The following METTL8 variants were observed in gnomAD, a reference collection of about 807,000 sequenced individuals.
METTL8 encodes tRNA N(3)-cytidine methyltransferase METTL8, mitochondrial.
Under a neutral mutation model 48.7 loss-of-function variants are expected in METTL8, and 32 were observed. The observed-to-expected ratio is 0.66, with a 90% CI of 0.50 to 0.88. The LOEUF is 0.88. Among genes scored for constraint, METTL8 ranks in the 40% least tolerant of loss-of-function variants. The pLI is 0.00. For synonymous variants in METTL8, 136 were observed against 157.1 expected (o/e 0.87, Z 1.01); for missense variants, 464 against 474.4 (o/e 0.98, Z 0.20).
intron 1 of METTL8, among the ~76,000 whole-genome samples, chr2:171,415,283 G>A (rs62183461): frequency 0.028 from 4,314 of 151,630 alleles, 98 homozygotes; most frequent in Middle Eastern, 0.069. Context: ...AGAATTTATA[G>A]CAGTTGTCAC....
At chr2:171,431,999 C>A (rs1298530532) in intron 1 of METTL8, among the ~76,000 whole-genome samples, 1 of 152,230 alleles carries the variant, frequency 6.6e-6, no homozygotes, top group Non-Finnish European at 1.5e-5. Flanking sequence ...TGTGCCGGCA[C>A]TTGGAGCAAC....
intron 3 of METTL8, among the ~76,000 whole-genome samples, chr2:171,357,720 G>A (rs1575824903): frequency 1.3e-5 from 2 of 151,096 alleles, no homozygotes; most frequent in South Asian, 2.1e-4. Context: ...TTTGAGACAG[G>A]TTCTCGCTCT....
intron 1 of METTL8, among the ~76,000 whole-genome samples, chr2:171,422,748 A>C (rs1691999513): frequency 6.6e-6 from 1 of 152,246 alleles, no homozygotes; most frequent in African/African-American, 2.4e-5. Flanking sequence ...AAAATGCATA[A>C]AAATCATAAT....
In METTL8 at chr2:171,422,050, G is replaced by A. The variant is rs113735686; in HGVS notation, c.-13+11833C>T. ...AATAAGACACTCCTAAAGAAGAGGA[G>A]TAAGATGGAACAGTTCCCCTACCAG... On this transcript the variant is annotated intron_variant, in intron 1 of 9. Coordinates refer to ENST00000375258, the MANE Select transcript of METTL8 (RefSeq NM_001321154.2). Among the ~76,000 whole-genome samples, 507 of 152,322 alleles carry A rather than the reference G, an allele frequency of 3.3e-3. 1 individual carries two copies. The highest frequency in any genetic ancestry group is 0.011 in the African/African-American group (464 of 41,566).
At position 171,356,952 on chromosome 2, in the gene METTL8, A is replaced by ATATTT; in HGVS notation, c.235+3469_235+3470insAAATA. ...CAAATTAGCCTTGTTCAAAGACAAT[A>ATATTT]TTTTTTTTTTTTTTTTTGAGACAGG... On this transcript the variant is annotated intron_variant, in intron 3 of 9. Coordinates refer to ENST00000375258, the MANE Select transcript of METTL8 (RefSeq NM_001321154.2). Among the ~76,000 whole-genome samples the ATATTT allele has an allele frequency of 2.5e-5, 2 of 78,468 alleles. 1 individual carries two copies. Among genetic ancestry groups the ATATTT allele is most frequent in the Admixed American group, 3.9e-4 (2 of 5,184 alleles). 51.5% of individuals were successfully genotyped at this position (78,468 alleles called of 152,430 possible).
chr2:171,428,241 C>T (rs143389736), intron 1 of METTL8, among the ~76,000 whole-genome samples: 76 of 152,274 alleles, frequency 5.0e-4, no homozygotes, highest in African/African-American at 1.7e-3. Context: ...AAAATATCTA[C>T]TTCATAGGTA....
intron 5 of METTL8, among the ~76,000 whole-genome samples, chr2:171,336,381 C>T (rs188518263): frequency 2.6e-4 from 39 of 148,510 alleles, no homozygotes; most frequent in African/African-American, 7.7e-4. Context: ...AGGCATGAGC[C>T]ACCACGCCCG....
At chr2:171,345,728 G>A (rs1286754805) in intron 3 of METTL8, among the ~76,000 whole-genome samples, 1 of 151,898 alleles carries the variant, frequency 6.6e-6, no homozygotes, top group Non-Finnish European at 1.5e-5. Flanking sequence ...GTTAATTACA[G>A]GATATTTTAA....
At chr2:171,405,659 A>AAC (rs371161570) in intron 1 of METTL8, among the ~76,000 whole-genome samples, 6 of 150,146 alleles carry the variant, frequency 4.0e-5, no homozygotes, top group Admixed American at 2.6e-4. Context: ...AGGATGAGAG[A>AAC]ACACACACAC....
chr2:171,357,058 A>C (rs1230597488), intron 3 of METTL8, among the ~76,000 whole-genome samples: 3 of 148,888 alleles, frequency 2.0e-5, no homozygotes, highest in Admixed American at 7.0e-5. Context: ...CCTGGGTTCA[A>C]GTGATTCTCC....
At chr2:171,348,175 T>C (rs1167644584) in intron 3 of METTL8, among the ~76,000 whole-genome samples, 2 of 152,222 alleles carry the variant, frequency 1.3e-5, no homozygotes, top group African/African-American at 4.8e-5. Context: ...ATCTTCCTTA[T>C]ACTTGGTTTA....
rs538826018 is a variant in METTL8, at chr2:171,322,113, C to T, written c.*2059G>A. 2.6e-5 allele frequency: 4 copies of T among 152,032 alleles called. 1 individual carries two copies. The South Asian group carries it at 6.3e-4, about 24-fold the overall frequency. The allele number at this position is 152,032 out of a possible 1,614,324, so 9.4% of individuals were successfully genotyped here. On this transcript the variant is annotated 3_prime_UTR_variant, in exon 10 of 10. Coordinates refer to ENST00000375258, the MANE Select transcript of METTL8 (RefSeq NM_001321154.2). ...GAGTAGCTGGGATTACAGGTGCCCA[C>T]CACCACGCCTGGCTAATTTTTTTTG... is the stretch of plus-strand genomic sequence containing the variant.
At position 171,318,558 on chromosome 2, in the gene METTL8, G is replaced by A. The variant is rs13398989; in HGVS notation, c.*5614C>T. ...AGGCTGAAGCCTGAGGGGGTGGGGC[G>A]AGTGCAGAACTAGGCAGAAGCAGAA... On this transcript the variant is annotated 3_prime_UTR_variant, in exon 10 of 10. Transcript: ENST00000375258. 0.76 allele frequency: 115,187 copies of A among 152,176 alleles called. 43,830 individuals carry two copies. The highest frequency in any genetic ancestry group is 0.97 in the East Asian group (5,043 of 5,190). The allele number at this position is 152,176 out of a possible 1,614,324, so 9.4% of individuals were successfully genotyped here.
At chr2:171,340,699 G>T (rs1686656426) in intron 3 of METTL8, among the ~76,000 whole-genome samples, 2 of 152,004 alleles carry the variant, frequency 1.3e-5, no homozygotes, top group African/African-American at 4.8e-5. Flanking sequence ...AGCTAAAAGG[G>T]TCCATTGGAA....
intron 2 of METTL8, among the ~76,000 whole-genome samples, chr2:171,370,286 T>C (rs776636340): frequency 6.6e-6 from 1 of 152,168 alleles, no homozygotes; most frequent in Non-Finnish European, 1.5e-5. Flanking sequence ...TGCATTTGTA[T>C]TTTTTTAACT....
chr2:171,372,816 T>G (rs1686505048), intron 2 of METTL8, among the ~76,000 whole-genome samples: 1 of 152,222 alleles, frequency 6.6e-6, no homozygotes, highest in African/African-American at 2.4e-5. Context: ...CATGAACTCA[T>G]CTTTTTTTAT....
intron 2 of METTL8, among the ~76,000 whole-genome samples, chr2:171,389,879 G>C (rs1457263756): frequency 2.6e-5 from 4 of 151,990 alleles, no homozygotes; most frequent in Non-Finnish European, 5.9e-5. Context: ...CACTGATGAA[G>C]GTGGTTACAC....
At chr2:171,404,453 G>A (rs1452660436) in intron 1 of METTL8, among the ~76,000 whole-genome samples, 1 of 152,072 alleles carries the variant, frequency 6.6e-6, no homozygotes, top group African/African-American at 2.4e-5. Flanking sequence ...TTTATAGAGT[G>A]GATACACTGG....
At chr2:171,403,785 AG>A (rs1689872510) in intron 1 of METTL8, among the ~76,000 whole-genome samples, 1 of 151,740 alleles carries the variant, frequency 6.6e-6, no homozygotes, top group Non-Finnish European at 1.5e-5. Context: ...CTATGATGTG[AG>A]GGGCAGACAG....
Sources: allele counts gnomAD v4.1 joint callset (sites outside exome capture counted in the v4.1 genomes callset), GRCh38; gene constraint gnomAD v4.1.1; transcripts MANE v1.5; gene names NCBI Gene and HGNC (gene_info 2026-07-23, HGNC 2026-07-21).